The following OSGIN1 variants were observed in gnomAD, a reference collection of about 807,000 sequenced individuals.
OSGIN1 encodes the protein oxidative stress induced growth inhibitor 1, also known as oxidative stress-induced growth inhibitor 1.
OSGIN1 carries 19 observed loss-of-function variants against 20.1 expected under a neutral mutation model. That is an observed-to-expected ratio of 0.95 (90% confidence interval 0.66 to 1.39). The LOEUF is 1.39. Among genes scored for constraint, OSGIN1 ranks in the 40% most tolerant of loss-of-function variants. The probability of loss-of-function intolerance (pLI) is 0.00; values close to 1 mark genes in which losing one functional copy is unlikely to be tolerated. For synonymous variants in OSGIN1, 368 were observed against 297.8 expected (o/e 1.24, Z -2.43); for missense variants, 820 against 653.0 (o/e 1.26, Z -2.79).
intron 1 of OSGIN1, among the ~76,000 whole-genome samples, chr16:83,957,355 T>C (rs824397): frequency 0.056 from 8,361 of 150,360 alleles, 272 homozygotes; most frequent in South Asian, 0.12. Context: ...CCCAGTGAGA[T>C]GGGAGAGTAG....
chr16:83,965,395 C>G lies in OSGIN1; in HGVS notation c.822C>G (p.Ala274=), dbSNP rs3743627. The change falls in exon 6 of 6, where the codon GCC becomes GCG. Residue 274 remains alanine (A), a synonymous_variant. Coordinates refer to ENST00000393306, the MANE Select transcript of OSGIN1 (RefSeq NM_182981.3). ...ACCATGAGCTGTCTGCCCTGGAGGC[C>G]GCCACAAGGGTGGGTGCGGTGACCC... ...FIHHELSALE[A]ATRVGAVTPA... is the part of the protein sequence containing the mutation. The G allele has an allele frequency of 0.068, 106,888 of 1,574,510 alleles. 5,271 individuals carry two copies. The highest frequency in any genetic ancestry group is 0.24 in the African/African-American group (18,170 of 74,610).
Position 83,957,545 on chromosome 16 carries a change from C to T in OSGIN1, c.-32-95C>T, listed in dbSNP as rs1268852322. 3 of 704,666 alleles carry T rather than the reference C, an allele frequency of 4.3e-6. No homozygotes were observed. The African/African-American group carries it at 5.4e-5, about 13-fold the overall frequency. 43.7% of individuals were successfully genotyped at this position (704,666 alleles called of 1,614,324 possible). On this transcript the variant is annotated intron_variant, in intron 1 of 5. Transcript: ENST00000393306. Reference sequence around the variant, plus strand: ...GGGACCCCGGACCAGACCCTGAGGGCCACAGGAGGCCACCCTAGCTGGGAG... The same window carrying T: ...GGGACCCCGGACCAGACCCTGAGGGTCACAGGAGGCCACCCTAGCTGGGAG...
At chr16:83,953,560 A>C (rs1282767090) in intron 1 of OSGIN1, among the ~76,000 whole-genome samples, 190 bp downstream of exon 1, 1 of 152,162 alleles carries the variant, frequency 6.6e-6, no homozygotes, top group Non-Finnish European at 1.5e-5. Flanking sequence ...GGTTCCTCCC[A>C]GATCCTCAGC....
Position 83,960,991 on chromosome 16 carries a change from G to T in OSGIN1, c.407G>T (p.Gly136Val), listed in dbSNP as rs201083475. 7.4e-6 allele frequency: 12 copies of T among 1,613,340 alleles called. No homozygotes were observed. The highest frequency in any genetic ancestry group is 1.1e-5 in the South Asian group (1 of 91,078). ...LPGGAWHSIE[G>V]SMVILSQGQW... ...TTCCTTTCCCTGCAGTCCATCGAAG[G>T]CTCCATGGTGATCCTGAGCCAAGGC... Residue 136 changes from glycine (G) to valine (V), a missense_variant, in exon 5 of 6, where the codon GGC becomes GTC. Gly to Val is a moderately radical substitution (Grantham distance 109). Transcript: ENST00000393306.
At chr16:83,957,810 A>G (rs1909011331) in intron 2 of OSGIN1, 72 bp downstream of exon 2, 1 of 716,218 alleles carries the variant, frequency 1.4e-6, no homozygotes, top group Non-Finnish European at 2.3e-6. Context: ...TGAGGGCAGG[A>G]GCTGGGCAAG....
intron 5 of OSGIN1, among the ~76,000 whole-genome samples, chr16:83,963,546 A>C (rs2084240574): frequency 6.6e-6 from 1 of 152,140 alleles, no homozygotes; most frequent in Non-Finnish European, 1.5e-5. Context: ...CATTATTATA[A>C]ATAACTCTGC....
chr16:83,953,305 T>C lies in OSGIN1; in HGVS notation c.-98T>C, dbSNP rs939033738. 7.8e-7 allele frequency: 1 copy of C among 1,288,888 alleles called. No individual in the cohort carries two copies. Among genetic ancestry groups the C allele is most frequent in the African/African-American group, 1.5e-5 (1 of 65,988 alleles). 79.8% of individuals were successfully genotyped at this position (1,288,888 alleles called of 1,614,324 possible). A position where few individuals can be genotyped will look rare whatever the true frequency, so the allele number is the denominator to read the frequency against. On this transcript the variant is annotated 5_prime_UTR_variant, in exon 1 of 6. Transcript: ENST00000393306. The stretch of plus-strand genomic sequence containing the variant: ...CTCGCGGGGGACTCTGTGATCCGTG[T>C]TCCCCTGACCCTCCTAGTGCACAAC...
intron 1 of OSGIN1, among the ~76,000 whole-genome samples, chr16:83,955,420 T>A (rs1396870953): frequency 1.3e-5 from 2 of 151,878 alleles, no homozygotes; most frequent in Non-Finnish European, 2.9e-5. Flanking sequence ...GGCAGAGGGG[T>A]CTCAGCAGGA....
Position 83,953,461 on chromosome 16 carries a change from C to T in OSGIN1, c.-33+91C>T, listed in dbSNP as rs1358084756. ...CAGCTGGACCGGAGGGTCTGCAGAG[C>T]CCTGGCGCCAGGCGGGGGTCCCGGG... On this transcript the variant is annotated intron_variant, in intron 1 of 5. Transcript: ENST00000393306. 6.8e-6 allele frequency: 8 copies of T among 1,174,032 alleles called. No individual in the cohort carries two copies. The South Asian group carries it at 8.3e-5, about 12-fold the overall frequency. The allele number at this position is 1,174,032 out of a possible 1,614,324, so 72.7% of individuals were successfully genotyped here. A position where few individuals can be genotyped will look rare whatever the true frequency, so the allele number is the denominator to read the frequency against.
intron 5 of OSGIN1, 29 bp downstream of exon 5, chr16:83,961,101 A>T: frequency 6.4e-7 from 1 of 1,564,216 alleles, no homozygotes; most frequent in Non-Finnish European, 8.8e-7. Flanking sequence ...GCCTTGGGGG[A>T]CACGGAAGGT....
At chr16:83,964,278 T>A (rs930023369) in intron 5 of OSGIN1, among the ~76,000 whole-genome samples, 1 of 151,900 alleles carries the variant, frequency 6.6e-6, no homozygotes, top group African/African-American at 2.4e-5. Flanking sequence ...CACTCCAGCC[T>A]GGGCAGCAGA....
At chr16:83,964,912 G>A in intron 5 of OSGIN1, 150 bp from the exon 6 acceptor site, 1 of 628,554 alleles carries the variant, frequency 1.6e-6, no homozygotes, top group Non-Finnish European at 2.8e-6. Flanking sequence ...GGAGACTGAG[G>A]CTTAGAGAGG....
chr16:83,965,749 G>A lies in OSGIN1; in HGVS notation c.1176G>A (p.Val392=), dbSNP rs2084272072. 1.2e-6 allele frequency: 2 copies of A among 1,613,424 alleles called. No individual in the cohort carries two copies. Among genetic ancestry groups the A allele is most frequent in the Non-Finnish European group, 1.7e-6 (2 of 1,179,992 alleles). Residue 392 remains valine (V), a synonymous_variant, in exon 6 of 6, where the codon GTG becomes GTA. Transcript: ENST00000393306. ...AGAAGGTGTTTGGGGTCTCCCTGGT[G>A]CTGGTCCTCATCGGCTCCCACCCCG... The part of the protein sequence containing the change: ...GVEKVFGVSL[V]LVLIGSHPDL...
chr16:83,964,272 C>G (rs1365031231), intron 5 of OSGIN1, among the ~76,000 whole-genome samples: 1 of 151,804 alleles, frequency 6.6e-6, no homozygotes, highest in Admixed American at 6.6e-5. Context: ...CCACGGCACT[C>G]CAGCCTGGGC....
In OSGIN1 at chr16:83,966,285, C is replaced by G. The variant is rs988610991; in HGVS notation, c.*278C>G. On this transcript the variant is annotated 3_prime_UTR_variant, in exon 6 of 6. Coordinates refer to ENST00000393306, the MANE Select transcript of OSGIN1 (RefSeq NM_182981.3). ...AGCACCCAGCCAGGAGACCTGCAGC[C>G]CTGCGCCTTCCAGAAGCAGGTCCCA... The G allele has an allele frequency of 1.7e-5, 8 of 484,392 alleles. No individual in the cohort carries two copies. The highest frequency in any genetic ancestry group is 1.4e-4 in the African/African-American group (7 of 51,604). The allele number at this position is 484,392 out of a possible 1,614,324, so 30.0% of individuals were successfully genotyped here. A position where few individuals can be genotyped will look rare whatever the true frequency, so the allele number is the denominator to read the frequency against.
At chr16:83,958,811 A>T (rs1015784091) in intron 2 of OSGIN1, among the ~76,000 whole-genome samples, 1 of 152,192 alleles carries the variant, frequency 6.6e-6, no homozygotes, top group Non-Finnish European at 1.5e-5. Flanking sequence ...AATCTGTGCT[A>T]CATTCACTCA....
At chr16:83,964,893 T>C (rs2084257333) in intron 5 of OSGIN1, among the ~76,000 whole-genome samples, 169 bp from the exon 6 acceptor site, 1 of 152,136 alleles carries the variant, frequency 6.6e-6, no homozygotes, top group African/African-American at 2.4e-5. Context: ...AGCTCCATTT[T>C]ACAGAAGAGG....
At position 83,960,987 on chromosome 16, in the gene OSGIN1, G is replaced by A. The variant is rs367641141; in HGVS notation, c.403G>A (p.Glu135Lys). Residue 135 changes from glutamate (E) to lysine (K), a missense_variant, in exon 5 of 6, where the codon GAA (glutamate) becomes AAA (lysine). By Grantham distance (56) the Glu-to-Lys change is moderately conservative. Transcript: ENST00000393306. ...AGGGTTCCTTTCCCTGCAGTCCATC[G>A]AAGGCTCCATGGTGATCCTGAGCCA... The part of the protein sequence containing the change: ...NLPGGAWHSI[E>K]GSMVILSQGQ... 9.4e-5 allele frequency: 152 copies of A among 1,613,376 alleles called. 2 individuals are homozygous for A. Among genetic ancestry groups the A allele is most frequent in the South Asian group, 7.6e-4 (69 of 91,068 alleles).
chr16:83,960,545 C>T (rs1275323073), intron 3 of OSGIN1, 24 bp from the exon 4 acceptor site: 2 of 1,603,146 alleles, frequency 1.2e-6, no homozygotes, highest in African/African-American at 1.3e-5. Flanking sequence ...TCCAGCAGCC[C>T]CTCTGACCTA....
Sources: gnomAD v4.1 joint callset for allele counts (sites outside exome capture counted in the v4.1 genomes callset) on GRCh38, gnomAD v4.1.1 for gene constraint, MANE v1.5 for transcripts, NCBI Gene and HGNC (gene_info 2026-07-23, HGNC 2026-07-21) for gene names.